Variants in HTR4 observed in about 807,000 individuals in gnomAD.
HTR4 encodes the protein 5-hydroxytryptamine receptor 4, also known as 5-hydroxytryptamine (serotonin) receptor 4, G protein-coupled.
A neutral mutation model predicts 36.8 loss-of-function variants in HTR4; 16 were observed. That is an observed-to-expected ratio of 0.43 (90% CI 0.29 to 0.66). HTR4 has a LOEUF of 0.66. Among genes scored for constraint, HTR4 ranks in the 30% least tolerant of loss-of-function variants. HTR4 has a pLI of 0.13. For missense variants in HTR4, 438 were observed against 490.9 expected (o/e 0.89, Z 1.02); for synonymous variants, 189 against 185.1 (o/e 1.02, Z -0.17).
At chr5:148,576,148 A>G (rs1472844276) in intron 2 of HTR4, among the ~76,000 whole-genome samples, 1 of 150,076 alleles carries the variant, frequency 6.7e-6, no homozygotes, top group African/African-American at 2.4e-5. Context: ...ATCAATGTAA[A>G]AAATCATTAA....
chr5:148,562,583 C>G (rs1760263105), intron 2 of HTR4, among the ~76,000 whole-genome samples: 1 of 152,176 alleles, frequency 6.6e-6, no homozygotes, highest in South Asian at 2.1e-4. Flanking sequence ...CTTTCATCTT[C>G]TCCTAGACTA....
chr5:148,454,851 C>A (rs1446899596), intron 5 of HTR4, among the ~76,000 whole-genome samples: 1 of 152,126 alleles, frequency 6.6e-6, no homozygotes, highest in Non-Finnish European at 1.5e-5. Context: ...AGGTCAGGAA[C>A]CCCTTCCCCA....
chr5:148,476,490 T>A, downstream of HTR4: 9 of 1,055,470 alleles, frequency 8.5e-6, no homozygotes, highest in South Asian at 3.7e-5. Flanking sequence ...ACAGAAAGAG[T>A]TTTCTCTTAT....
downstream of HTR4, among the ~76,000 whole-genome samples, chr5:148,479,675 C>T (rs1210813521): frequency 4.6e-5 from 7 of 152,120 alleles, no homozygotes; most frequent in East Asian, 1.2e-3. Context: ...CCTTCAAAGC[C>T]TTAGCTTCAA....
intron 2 of HTR4, among the ~76,000 whole-genome samples, chr5:148,610,868 T>G (rs1426528946): frequency 6.9e-6 from 1 of 144,412 alleles, no homozygotes; most frequent in Non-Finnish European, 1.5e-5. Flanking sequence ...GCTCCAGAAC[T>G]ATGTGAAGAA....
At chr5:148,580,834 T>C (rs1432130473) in intron 2 of HTR4, among the ~76,000 whole-genome samples, 1 of 152,058 alleles carries the variant, frequency 6.6e-6, no homozygotes, top group Non-Finnish European at 1.5e-5. Flanking sequence ...AACATGGGAG[T>C]GCGGATATCT....
chr5:148,480,827 C>T (rs191834958), downstream of HTR4, among the ~76,000 whole-genome samples: 809 of 152,284 alleles, frequency 5.3e-3, 5 homozygotes, highest in South Asian at 0.013. Flanking sequence ...TCATAGTCCT[C>T]GAGTGCTCAG....
intron 6 of HTR4, among the ~76,000 whole-genome samples, chr5:148,500,194 A>G (rs1756875482): frequency 6.6e-6 from 1 of 152,172 alleles, no homozygotes; most frequent in Non-Finnish European, 1.5e-5. Flanking sequence ...AAGGAAGCAA[A>G]TTGGATCTTC....
At chr5:148,570,175 T>C (rs544723743) in intron 2 of HTR4, among the ~76,000 whole-genome samples, 1 of 152,236 alleles carries the variant, frequency 6.6e-6, no homozygotes, top group South Asian at 2.1e-4. Context: ...CCAAGGAATG[T>C]CAGGTTAGAT....
At chr5:148,632,868 G>A (rs1753373279) in intron 2 of HTR4, among the ~76,000 whole-genome samples, 4 of 152,136 alleles carry the variant, frequency 2.6e-5, no homozygotes, top group Admixed American at 1.3e-4. Context: ...TCTGAAGTCA[G>A]GCATTAAGTG....
intron 5 of HTR4, among the ~76,000 whole-genome samples, chr5:148,518,285 G>C (rs1009150024): frequency 4.0e-5 from 6 of 151,600 alleles, no homozygotes; most frequent in Non-Finnish European, 2.9e-5. Context: ...GCCTCTCTTT[G>C]TTAGAATATA....
intron 4 of HTR4, among the ~76,000 whole-genome samples, chr5:148,526,163 C>A (rs1319881980): frequency 6.6e-6 from 1 of 152,132 alleles, no homozygotes; most frequent in Non-Finnish European, 1.5e-5. Flanking sequence ...TTGTTCTAAG[C>A]CATCCAGTGT....
rs1429227731 is a variant in HTR4, at chr5:148,483,006, C to G, written c.*197G>C. On this transcript the variant is annotated 3_prime_UTR_variant, in exon 7 of 7. Transcript: ENST00000377888. ...GGAAATAAAAAGTGAACAAGGAGGC[C>G]ATTATGTCCCCTGACTCCCTCCAGC... 7.0e-7 allele frequency: 1 copy of G among 1,433,782 alleles called. No individual in the cohort carries two copies. The highest frequency in any genetic ancestry group is 9.2e-7 in the Non-Finnish European group (1 of 1,091,042). 88.8% of individuals were successfully genotyped at this position (1,433,782 alleles called of 1,614,324 possible). A position where few individuals can be genotyped will look rare whatever the true frequency, so the allele number is the denominator to read the frequency against.
intron 2 of HTR4, among the ~76,000 whole-genome samples, chr5:148,624,704 C>A (rs1753031912): frequency 6.6e-6 from 1 of 152,102 alleles, no homozygotes; most frequent in Non-Finnish European, 1.5e-5. Context: ...TTCCAGGCTG[C>A]AAGTGAAATT....
rs201154299 is a variant in HTR4, at chr5:148,525,327, C to CT, written c.354-1982dup. Among the ~76,000 whole-genome samples the CT allele has an allele frequency of 4.9e-3, 747 of 151,222 alleles. 1 individual carries two copies. Among genetic ancestry groups the CT allele is most frequent in the African/African-American group, 0.017 (707 of 41,220 alleles). ...GAATTTGAAGTGGATGAAATATACTCTTTTTTTTTCAAATTTTGTTTCCTT... is the reference window on the plus strand; with the variant it reads ...GAATTTGAAGTGGATGAAATATACTCTTTTTTTTTTCAAATTTTGTTTCCTT... On this transcript the variant is annotated intron_variant, in intron 4 of 6. Transcript: ENST00000377888.
chr5:148,594,120 T>C (rs1761677975), intron 2 of HTR4, among the ~76,000 whole-genome samples: 1 of 152,194 alleles, frequency 6.6e-6, no homozygotes, highest in Admixed American at 6.6e-5. Flanking sequence ...CATTTGTTTA[T>C]ATTTCAGTAG....
chr5:148,505,908 T>C (rs1193642331), intron 6 of HTR4, among the ~76,000 whole-genome samples: 2 of 152,188 alleles, frequency 1.3e-5, no homozygotes, highest in African/African-American at 2.4e-5. Context: ...TCCATGCTCA[T>C]GGATAGGAAG....
chr5:148,511,364 A>G (rs1351723868), intron 5 of HTR4, among the ~76,000 whole-genome samples: 2 of 152,188 alleles, frequency 1.3e-5, no homozygotes, highest in African/African-American at 2.4e-5. Context: ...ACTCATCTAC[A>G]TCATCATAAT....
At chr5:148,496,054 C>T (rs948659300) in intron 6 of HTR4, among the ~76,000 whole-genome samples, 2 of 152,088 alleles carry the variant, frequency 1.3e-5, no homozygotes, top group East Asian at 3.9e-4. Context: ...AAGCCGAAAT[C>T]GCGCCACTGC....
Sources: gnomAD v4.1 joint callset for allele counts (sites outside exome capture counted in the v4.1 genomes callset) on GRCh38, gnomAD v4.1.1 for gene constraint, MANE v1.5 for transcripts, NCBI Gene and HGNC (gene_info 2026-07-23, HGNC 2026-07-21) for gene names.